The following ZRANB3 variants were observed in gnomAD, a reference collection of about 807,000 sequenced individuals.
The protein encoded by ZRANB3 is DNA annealing helicase and endonuclease ZRANB3.
In ZRANB3, 125 loss-of-function variants were observed where a neutral mutation model predicts 133.8. The ratio of observed to expected loss-of-function variants is 0.93; its 90% CI spans 0.81 to 1.08. ZRANB3 has a LOEUF of 1.08. Ranked by LOEUF, ZRANB3 falls within the 50% of genes least tolerant of loss-of-function variation. ZRANB3 has a pLI of 0.00. For synonymous variants in ZRANB3, 387 were observed against 432.7 expected (o/e 0.89, Z 1.31); for missense variants, 1,229 against 1,275.5 (o/e 0.96, Z 0.56).
chr2:135,322,637 G>T (rs1023170736), intron 6 of ZRANB3, among the ~76,000 whole-genome samples: 1 of 152,136 alleles, frequency 6.6e-6, no homozygotes, highest in Non-Finnish European at 1.5e-5. Context: ...AGGATTGCTT[G>T]AGCCCAGGAG....
At chr2:135,285,422 C>T (rs561111626) in intron 8 of ZRANB3, among the ~76,000 whole-genome samples, 3 of 152,152 alleles carry the variant, frequency 2.0e-5, no homozygotes, top group Non-Finnish European at 4.4e-5. Flanking sequence ...AGATCCTTTC[C>T]GAAACTACAG....
intron 2 of ZRANB3, among the ~76,000 whole-genome samples, chr2:135,482,573 T>G (rs556784359): frequency 1.6e-3 from 241 of 152,042 alleles, no homozygotes; most frequent in African/African-American, 5.6e-3. Context: ...CAGGGACAAT[T>G]TGACTTCCTC....
chr2:135,477,962 C>T (rs1172197919), intron 2 of ZRANB3, among the ~76,000 whole-genome samples: 2 of 151,972 alleles, frequency 1.3e-5, no homozygotes, highest in African/African-American at 2.4e-5. Context: ...ACACTCCAAT[C>T]TGAGTGACAG....
In ZRANB3 at chr2:135,268,935, C is replaced by T. The variant is rs763447190; in HGVS notation, c.1386+27G>A. 3.8e-6 allele frequency: 6 copies of T among 1,579,938 alleles called. No individual in the cohort carries two copies. In the South Asian group the frequency reaches 4.7e-5, roughly 12 times the overall value. ...GCTATGGTTAATAGTAAGTAAGCTG[C>T]TAACTTGATTTAAATTCAAGCTTTA... is the stretch of plus-strand genomic sequence containing the variant. On this transcript the variant is annotated intron_variant, in intron 11 of 20. Transcript: ENST00000264159.
intron 8 of ZRANB3, among the ~76,000 whole-genome samples, chr2:135,310,535 A>G (rs935172974): frequency 1.3e-5 from 2 of 152,190 alleles, no homozygotes; most frequent in Admixed American, 1.3e-4. Context: ...ATAATAGTTT[A>G]TAGACCTACA....
intron 2 of ZRANB3, among the ~76,000 whole-genome samples, chr2:135,440,187 AACTT>A (rs2104991840): frequency 6.6e-6 from 1 of 152,276 alleles, no homozygotes; most frequent in East Asian, 1.9e-4. Flanking sequence ...TTTGGACACT[AACTT>A]TCTTATCTAG....
intron 6 of ZRANB3, among the ~76,000 whole-genome samples, chr2:135,327,737 A>G (rs13396203): frequency 0.032 from 4,869 of 152,240 alleles, 254 homozygotes; most frequent in African/African-American, 0.11. Flanking sequence ...TTCCTCATCT[A>G]TAAAATGGAC....
intron 11 of ZRANB3, among the ~76,000 whole-genome samples, chr2:135,268,625 T>G (rs2105116399): frequency 6.6e-6 from 1 of 152,300 alleles, no homozygotes; most frequent in South Asian, 2.1e-4. Flanking sequence ...AACTCAAGAA[T>G]TCTTCTAGAA....
chr2:135,290,572 G>A (rs766736551), intron 8 of ZRANB3, among the ~76,000 whole-genome samples: 31 of 152,270 alleles, frequency 2.0e-4, no homozygotes, highest in South Asian at 4.1e-4. Flanking sequence ...ACATTTAAGC[G>A]CAGCATTTAG....
chr2:135,446,859 C>T (rs371476762), intron 2 of ZRANB3, among the ~76,000 whole-genome samples: 10 of 152,016 alleles, frequency 6.6e-5, no homozygotes, highest in East Asian at 1.9e-4. Context: ...AAAAATAAGA[C>T]GTGAAAATTT....
rs190674884 is a variant in ZRANB3 at position 135,401,707 on chromosome 2, T to C, written c.162-10887A>G. On this transcript the variant is annotated intron_variant, in intron 2 of 20. Coordinates refer to ENST00000264159, the MANE Select transcript of ZRANB3 (RefSeq NM_032143.4). ...AATGATGCCAAATCTGGAACCGTAA[T>C]AGCTGCTTTGTGATCTACTAGGCAG... Among the ~76,000 whole-genome samples the C allele has an allele frequency of 2.6e-3, 402 of 152,308 alleles. 5 individuals are homozygous for C. In the South Asian group the frequency reaches 0.029, roughly 11 times the overall value.
chr2:135,356,461 T>C (rs969127801), intron 3 of ZRANB3, among the ~76,000 whole-genome samples: 4 of 152,054 alleles, frequency 2.6e-5, no homozygotes, highest in African/African-American at 4.8e-5. Context: ...AAGTTTTAGG[T>C]TGACGACAGG....
chr2:135,420,965 T>G (rs1688820144), intron 2 of ZRANB3, among the ~76,000 whole-genome samples: 1 of 152,098 alleles, frequency 6.6e-6, no homozygotes, highest in Non-Finnish European at 1.5e-5. Context: ...GTATCAGAAT[T>G]TGGATTAAAA....
intron 2 of ZRANB3, among the ~76,000 whole-genome samples, chr2:135,407,561 GACTTCAAACTAT>G (rs1231136770): frequency 6.7e-6 from 1 of 148,786 alleles, no homozygotes; most frequent in Non-Finnish European, 1.5e-5. Flanking sequence ...CACACTACCT[GACTTCAAACTAT>G]ACTACAAGGC....
intron 11 of ZRANB3, 91 bp from the exon 12 acceptor site, chr2:135,265,777 C>T (rs1680210989): frequency 2.3e-6 from 3 of 1,332,418 alleles, no homozygotes; most frequent in Non-Finnish European, 2.0e-6. Context: ...AAATCATAAG[C>T]TACCCACTAA....
chr2:135,296,105 C>T (rs1448425571), intron 8 of ZRANB3, among the ~76,000 whole-genome samples: 1 of 152,090 alleles, frequency 6.6e-6, no homozygotes, highest in Non-Finnish European at 1.5e-5. Context: ...TCTGTATTTC[C>T]TGAATTTGAA....
At chr2:135,392,617 C>T (rs936204074) in intron 2 of ZRANB3, among the ~76,000 whole-genome samples, 30 of 151,958 alleles carry the variant, frequency 2.0e-4, no homozygotes, top group Admixed American at 2.0e-3. Context: ...GGTGTGATGA[C>T]GCACCCCTGT....
At chr2:135,203,911 C>T (rs1304037685) in intron 19 of ZRANB3, among the ~76,000 whole-genome samples, 1 of 152,128 alleles carries the variant, frequency 6.6e-6, no homozygotes, top group Non-Finnish European at 1.5e-5. Context: ...CAATGATAAC[C>T]TACATTAAAA....
At chr2:135,406,980 G>C (rs1260084860) in intron 2 of ZRANB3, among the ~76,000 whole-genome samples, 2 of 152,134 alleles carry the variant, frequency 1.3e-5, no homozygotes, top group Admixed American at 6.5e-5. Context: ...AGGGCAATCA[G>C]GCAGGAGAAG....
Sources: allele counts gnomAD v4.1 joint callset (sites outside exome capture counted in the v4.1 genomes callset), GRCh38; gene constraint gnomAD v4.1.1; transcripts MANE v1.5; gene names NCBI Gene and HGNC (gene_info 2026-07-23, HGNC 2026-07-21).